Variants in GRM7 observed in about 807,000 individuals in gnomAD.
GRM7 encodes metabotropic glutamate receptor 7.
Under a neutral mutation model 84.5 loss-of-function variants are expected in GRM7, and 35 were observed. The ratio of observed to expected loss-of-function variants is 0.41; its 90% CI spans 0.32 to 0.55. GRM7 has a LOEUF of 0.55. GRM7 is among the 20% of genes least tolerant of loss of function. The pLI, the probability that GRM7 is intolerant of heterozygous loss-of-function variation, is 0.19. For missense variants in GRM7, 1,003 were observed against 1,194.6 expected, an observed-to-expected ratio of 0.84 and a Z score of 2.36; for synonymous variants, 487 against 455.1, an observed-to-expected ratio of 1.07 and a Z score of -0.89.
chr3:7,354,272 A>G (rs2125095384), intron 4 of GRM7, among the ~76,000 whole-genome samples: 1 of 152,262 alleles, frequency 6.6e-6, no homozygotes, highest in South Asian at 2.1e-4. Context: ...TGATTCCAGG[A>G]GACCTGAAAA....
At chr3:7,257,431 C>T (rs2124950811) in intron 2 of GRM7, among the ~76,000 whole-genome samples, 1 of 152,254 alleles carries the variant, frequency 6.6e-6, no homozygotes, top group Non-Finnish European at 1.5e-5. Context: ...AATCTGCTTA[C>T]CCCATACTAA....
At chr3:7,164,582 G>A (rs1183876246) in intron 2 of GRM7, among the ~76,000 whole-genome samples, 1 of 152,150 alleles carries the variant, frequency 6.6e-6, no homozygotes, top group African/African-American at 2.4e-5. Flanking sequence ...TTCCTTTCAA[G>A]TCCAGTGAGT....
intron 4 of GRM7, among the ~76,000 whole-genome samples, chr3:7,384,967 GAT>G (rs935732411): frequency 2.0e-5 from 3 of 152,126 alleles, no homozygotes; most frequent in African/African-American, 4.8e-5. Flanking sequence ...CTGGAAAAAA[GAT>G]AACAATTTTA....
At chr3:7,559,665 G>A (rs377424944) in intron 7 of GRM7, among the ~76,000 whole-genome samples, 5 of 152,092 alleles carry the variant, frequency 3.3e-5, no homozygotes, top group African/African-American at 1.2e-4. Flanking sequence ...GAAGGCGAAT[G>A]AACACAAAGA....
chr3:7,307,401 G>A (rs1700231243), intron 4 of GRM7, among the ~76,000 whole-genome samples: 1 of 152,172 alleles, frequency 6.6e-6, no homozygotes. Context: ...TTCCTTTTCT[G>A]ATGGGCCATG....
intron 8 of GRM7, among the ~76,000 whole-genome samples, chr3:7,658,051 A>T (rs753994403): frequency 1.3e-5 from 2 of 152,174 alleles, no homozygotes; most frequent in Non-Finnish European, 2.9e-5. Flanking sequence ...AATGAAGAAC[A>T]CTATTGTGAA....
At chr3:7,003,481 T>C (rs1330792313) in intron 1 of GRM7, among the ~76,000 whole-genome samples, 1 of 152,154 alleles carries the variant, frequency 6.6e-6, no homozygotes, top group Non-Finnish European at 1.5e-5. Flanking sequence ...TGATTTAACA[T>C]ATTTGGATGG....
intron 2 of GRM7, among the ~76,000 whole-genome samples, chr3:7,214,089 AC>A (rs1696520806): frequency 6.6e-6 from 1 of 150,458 alleles, no homozygotes. Flanking sequence ...TTGGATGCTC[AC>A]AGAGCTCATC....
intron 7 of GRM7, among the ~76,000 whole-genome samples, chr3:7,508,894 G>A (rs1243954271): frequency 3.9e-5 from 6 of 152,274 alleles, no homozygotes; most frequent in South Asian, 2.1e-4. Context: ...ATTGGCAAGC[G>A]AAGACTAGAA....
At chr3:7,648,820 T>C (rs1248528635) in intron 8 of GRM7, among the ~76,000 whole-genome samples, 2 of 152,050 alleles carry the variant, frequency 1.3e-5, no homozygotes, top group African/African-American at 2.4e-5. Flanking sequence ...CAAAAATAGG[T>C]CTTCTAGGAC....
chr3:7,245,976 C>T (rs1697742690), intron 2 of GRM7, among the ~76,000 whole-genome samples: 1 of 151,834 alleles, frequency 6.6e-6, no homozygotes, highest in Admixed American at 6.6e-5. Flanking sequence ...CTAAAAATTT[C>T]AGAACATTAA....
intron 4 of GRM7, among the ~76,000 whole-genome samples, chr3:7,335,120 A>G (rs1390997345): frequency 6.6e-6 from 1 of 152,156 alleles, no homozygotes; most frequent in Non-Finnish European, 1.5e-5. Flanking sequence ...CATTCTTTTC[A>G]TCAGCACGTG....
chr3:7,716,272 C>G (rs1427095333), intron 9 of GRM7, among the ~76,000 whole-genome samples: 2 of 152,178 alleles, frequency 1.3e-5, no homozygotes, highest in East Asian at 3.9e-4. Context: ...AAAGCATCTA[C>G]TCCTTTGGCC....
At chr3:7,048,091 T>A (rs1413505013) in intron 1 of GRM7, among the ~76,000 whole-genome samples, 1 of 151,992 alleles carries the variant, frequency 6.6e-6, no homozygotes, top group Non-Finnish European at 1.5e-5. Context: ...CACATTGAGT[T>A]TTTAGAATAT....
At chr3:7,313,753 A>C (rs1358420882) in intron 4 of GRM7, among the ~76,000 whole-genome samples, 2 of 152,134 alleles carry the variant, frequency 1.3e-5, no homozygotes, top group Non-Finnish European at 2.9e-5. Flanking sequence ...TTTCTATTAT[A>C]AGGTGAAGCT....
intron 9 of GRM7, among the ~76,000 whole-genome samples, chr3:7,714,971 G>A (rs1035659814): frequency 1.3e-5 from 2 of 152,156 alleles, no homozygotes; most frequent in African/African-American, 4.8e-5. Context: ...CCAAAGCAAT[G>A]GCTGAACCAA....
In GRM7 at chr3:7,686,785, T is replaced by C. The variant is rs145941100; in HGVS notation, c.2698+6490T>C. Among the ~76,000 whole-genome samples, 504 of 152,310 alleles carry C rather than the reference T, an allele frequency of 3.3e-3. 1 individual carries two copies. Among genetic ancestry groups the C allele is most frequent in the Middle Eastern group, 0.014 (4 of 294 alleles). On this transcript the variant is annotated intron_variant, in intron 9 of 9. Transcript: ENST00000357716. The stretch of plus-strand genomic sequence containing the variant: ...CTATTTCTCAGTATTTCTCAATGTA[T>C]GTTTTCCTACTGTGGGCTTAGAAGG...
intron 1 of GRM7, among the ~76,000 whole-genome samples, chr3:7,002,061 A>T (rs1695029871): frequency 6.6e-6 from 1 of 152,242 alleles, no homozygotes; most frequent in African/African-American, 2.4e-5. Flanking sequence ...AATTAGTGGG[A>T]AACTTTCTAG....
intron 1 of GRM7, among the ~76,000 whole-genome samples, chr3:7,072,562 C>T (rs1237147345): frequency 6.6e-6 from 1 of 151,992 alleles, no homozygotes; most frequent in South Asian, 2.1e-4. Flanking sequence ...TGGTGCATAC[C>T]TGCAGTCCCA....
Sources: gnomAD v4.1 joint callset for allele counts (sites outside exome capture counted in the v4.1 genomes callset) on GRCh38, gnomAD v4.1.1 for gene constraint, MANE v1.5 for transcripts, NCBI Gene and HGNC (gene_info 2026-07-23, HGNC 2026-07-21) for gene names.